The following CEP192 variants were observed in gnomAD, a reference collection of about 807,000 sequenced individuals.
CEP192 encodes centrosomal protein of 192 kDa.
Under a neutral mutation model 271.8 loss-of-function variants are expected in CEP192, and 151 were observed. The ratio of observed to expected loss-of-function variants is 0.56; its 90% CI spans 0.49 to 0.64. The LOEUF is 0.64. Among genes scored for constraint, CEP192 ranks in the 30% least tolerant of loss-of-function variants. The pLI is 0.00. For missense variants in CEP192, 2,910 were observed against 3,020.5 expected, an observed-to-expected ratio of 0.96 and a Z score of 0.86; for synonymous variants, 995 against 1,076.5, an observed-to-expected ratio of 0.92 and a Z score of 1.48.
At chr18:13,067,252 T>A (rs2037757811) in intron 21 of CEP192, among the ~76,000 whole-genome samples, 1 of 152,150 alleles carries the variant, frequency 6.6e-6, no homozygotes, top group Non-Finnish European at 1.5e-5. Flanking sequence ...TATATGCAAA[T>A]ACTATGACAT....
At chr18:13,067,712 G>A in intron 21 of CEP192, 119 bp from the exon 22 acceptor site, 2 of 708,364 alleles carry the variant, frequency 2.8e-6, no homozygotes, top group Non-Finnish European at 4.6e-6. Flanking sequence ...GAAAATGTAG[G>A]TAAGTTTTAC....
At chr18:13,117,540 A>T (rs114218745) in intron 43 of CEP192, 45 bp from the exon 44 acceptor site, 1 of 1,388,822 alleles carries the variant, frequency 7.2e-7, no homozygotes, top group Non-Finnish European at 1.0e-6. Flanking sequence ...ATGCTAAAAG[A>T]TCTAATTTTC....
chr18:13,123,093 A>G (rs892356418), intron 44 of CEP192, among the ~76,000 whole-genome samples: 17 of 152,200 alleles, frequency 1.1e-4, no homozygotes, highest in African/African-American at 3.6e-4. Flanking sequence ...ATTTATTAAT[A>G]ATGAGTTCTT....
At chr18:13,119,002 G>T (rs1486418050) in intron 44 of CEP192, among the ~76,000 whole-genome samples, 1 of 152,166 alleles carries the variant, frequency 6.6e-6, no homozygotes, top group Non-Finnish European at 1.5e-5. Flanking sequence ...TGTTCTCCAA[G>T]TTCTCCTCTC....
chr18:13,085,566 T>C (rs2038859929), intron 30 of CEP192, among the ~76,000 whole-genome samples: 1 of 152,232 alleles, frequency 6.6e-6, no homozygotes, highest in African/African-American at 2.4e-5. Flanking sequence ...TGAGTTAATT[T>C]TTGTATAAGT....
intron 36 of CEP192, among the ~76,000 whole-genome samples, chr18:13,098,146 G>A (rs551590073): frequency 3.9e-5 from 6 of 152,236 alleles, no homozygotes; most frequent in South Asian, 2.1e-4. Flanking sequence ...GCCCGTTCTC[G>A]ATGAGCTGTT....
intron 38 of CEP192, among the ~76,000 whole-genome samples, chr18:13,103,201 G>A (rs1316644978): frequency 1.3e-5 from 2 of 152,078 alleles, no homozygotes; most frequent in East Asian, 1.9e-4. Flanking sequence ...GGGCTTCCTC[G>A]TCCCCTTCAA....
chr18:13,095,726 C>A, intron 35 of CEP192, 45 bp downstream of exon 35: 1 of 1,531,644 alleles, frequency 6.5e-7, no homozygotes, highest in Non-Finnish European at 8.9e-7. Context: ...TTCCGGCGTC[C>A]GGGCCTGCAC....
At chr18:13,062,594 TAAA>T (rs1462234597) in intron 21 of CEP192, among the ~76,000 whole-genome samples, 2 of 152,026 alleles carry the variant, frequency 1.3e-5, no homozygotes, top group Non-Finnish European at 2.9e-5. Context: ...TTCTTTTATT[TAAA>T]AAATTTTTTG....
chr18:13,121,265 G>T (rs1004140662), intron 44 of CEP192, among the ~76,000 whole-genome samples: 1 of 152,202 alleles, frequency 6.6e-6, no homozygotes, highest in African/African-American at 2.4e-5. Flanking sequence ...TGTGCTCTAT[G>T]ACACCATTAA....
At chr18:13,017,852 C>T (rs1443635423) in intron 7 of CEP192, among the ~76,000 whole-genome samples, 1 of 152,136 alleles carries the variant, frequency 6.6e-6, no homozygotes, top group African/African-American at 2.4e-5. Flanking sequence ...ACAATTTAAT[C>T]AAAGATTAAC....
At chr18:13,103,950 A>C (rs2039836815) in intron 39 of CEP192, 1 of 449,426 alleles carries the variant, frequency 2.2e-6, no homozygotes, top group South Asian at 1.6e-5. Flanking sequence ...TCAGCCTCCC[A>C]AAGTGCTGGG....
intron 38 of CEP192, among the ~76,000 whole-genome samples, chr18:13,101,281 C>T (rs530891703): frequency 6.6e-6 from 1 of 152,264 alleles, no homozygotes; most frequent in Admixed American, 6.5e-5. Context: ...AGGATTTGCT[C>T]AACTGTGGGC....
intron 30 of CEP192, among the ~76,000 whole-genome samples, chr18:13,078,156 A>G (rs760599909): frequency 6.6e-6 from 1 of 151,216 alleles, no homozygotes; most frequent in Admixed American, 6.6e-5. Context: ...TTGTTGTTCA[A>G]CTCCCATTTA....
chr18:13,069,088 G>C lies in CEP192; in HGVS notation c.4963-1G>C. Reference sequence around the variant, plus strand: ...AATGTCTGTCTTGCCCCATCCTCCAGACGATGCATTTCTTGGCCAAAGTGG... The same window carrying C: ...AATGTCTGTCTTGCCCCATCCTCCACACGATGCATTTCTTGGCCAAAGTGG... On this transcript the variant is annotated splice_acceptor_variant, in intron 25 of 44. Transcript: ENST00000506447. LOFTEE classifies it high-confidence loss of function. The C allele has an allele frequency of 4.3e-6, 7 of 1,614,174 alleles. No homozygotes were observed. The highest frequency in any genetic ancestry group is 5.1e-6 in the Non-Finnish European group (6 of 1,180,022).
intron 9 of CEP192, among the ~76,000 whole-genome samples, chr18:13,024,722 A>G (rs2143372441): frequency 1.3e-5 from 2 of 151,166 alleles, no homozygotes; most frequent in Admixed American, 1.3e-4. Flanking sequence ...TGGCCTCCCA[A>G]AGTGCTGGGA....
At chr18:13,003,288 A>C (rs1353896101) in intron 3 of CEP192, among the ~76,000 whole-genome samples, 2 of 151,926 alleles carry the variant, frequency 1.3e-5, no homozygotes, top group African/African-American at 4.8e-5. Flanking sequence ...ATCTCTACCA[A>C]AAACACAAAA....
Position 12,998,763 on chromosome 18 carries a change from G to A in CEP192, c.-4-658G>A, listed in dbSNP as rs140157556. 6.0e-3 allele frequency among the ~76,000 whole-genome samples: 906 copies of A among 151,844 alleles called. 9 individuals are homozygous for A. Among genetic ancestry groups the A allele is most frequent in the African/African-American group, 0.021 (870 of 41,400 alleles). On this transcript the variant is annotated intron_variant, in intron 1 of 44. Transcript: ENST00000506447. ...TTTCCATGCAGTGTGTATATGATACGTACTCTGAAAAATTGTTGAGACTAG... is the reference window on the plus strand; with the variant it reads ...TTTCCATGCAGTGTGTATATGATACATACTCTGAAAAATTGTTGAGACTAG...
At chr18:13,058,821 G>A (rs1485342620) in intron 20 of CEP192, 2 of 461,014 alleles carry the variant, frequency 4.3e-6, no homozygotes, top group Non-Finnish European at 7.9e-6. Context: ...TTTAAGACAA[G>A]TGAGTGTAAG....
Sources: allele counts gnomAD v4.1 joint callset (sites outside exome capture counted in the v4.1 genomes callset), GRCh38; gene constraint gnomAD v4.1.1; transcripts MANE v1.5; gene names NCBI Gene and HGNC (gene_info 2026-07-23, HGNC 2026-07-21).